FCER1A: variants seen among roughly 807,000 people sequenced by gnomAD.
FCER1A encodes Fc epsilon receptor Ia.
A neutral mutation model predicts 23.6 loss-of-function variants in FCER1A; 24 were observed. The observed-to-expected ratio is 1.02, with a 90% CI of 0.74 to 1.43. The LOEUF is 1.43. FCER1A is among the 40% of genes most tolerant of loss of function. The probability of loss-of-function intolerance (pLI) is 0.00; values close to 1 mark genes in which losing one functional copy is unlikely to be tolerated. For missense variants in FCER1A, 318 were observed against 294.5 expected (o/e 1.08, Z -0.58); for synonymous variants, 121 against 108.8 (o/e 1.11, Z -0.70).
upstream of FCER1A, among the ~76,000 whole-genome samples, chr1:159,299,766 C>CT (rs900089260): frequency 1.3e-4 from 19 of 148,436 alleles, no homozygotes; most frequent in East Asian, 5.9e-4. Context: ...ACTTGAAGGA[C>CT]TTTTTTTTTT....
At chr1:159,301,602 C>T (rs1354020027), upstream of FCER1A, among the ~76,000 whole-genome samples, 5 of 152,162 alleles carry the variant, frequency 3.3e-5, no homozygotes, top group South Asian at 4.1e-4. Flanking sequence ...TTTCCAATTT[C>T]GCTGGTCAGA....
Position 159,304,102 on chromosome 1 carries a change from A to T in FCER1A, c.251A>T (p.Lys84Ile), listed in dbSNP as rs2298804. ...TNSSLNIVNA[K>I]FEDSGEYKCQ... ...TCAAGTTTGAATATTGTGAATGCCA[A>T]ATTTGAAGACAGTGGAGAATACAAA... Residue 84 changes from lysine to isoleucine, a missense_variant, in exon 3 of 5, where the codon AAA becomes ATA. Transcript: ENST00000693622. The T allele has an allele frequency of 6.2e-7, 1 of 1,613,930 alleles. No individual in the cohort carries two copies. The highest frequency in any genetic ancestry group is 8.5e-7 in the Non-Finnish European group (1 of 1,179,928).
chr1:159,304,310 C>T (rs1178209433), intron 3 of FCER1A, 128 bp downstream of exon 3: 5 of 885,804 alleles, frequency 5.6e-6, no homozygotes, highest in African/African-American at 1.7e-5. Flanking sequence ...ATTTTTAAGA[C>T]CCCTGCATTG....
At chr1:159,298,817 A>G (rs1652358500), upstream of FCER1A, among the ~76,000 whole-genome samples, 1 of 152,240 alleles carries the variant, frequency 6.6e-6, no homozygotes, top group South Asian at 2.1e-4. Context: ...GGGAACTTAT[A>G]GAACAGAAAG....
chr1:159,298,756 T>C (rs1379603746), upstream of FCER1A, among the ~76,000 whole-genome samples: 3 of 152,194 alleles, frequency 2.0e-5, no homozygotes, highest in Non-Finnish European at 4.4e-5. Flanking sequence ...ATACCAACAG[T>C]ACCAACATTG....
chr1:159,308,128 T>C lies in FCER1A; in HGVS notation c.*196T>C, dbSNP rs549636785. ...GCTCAATTAACATTGGTTGAATAAA[T>C]GAGAGAATGAATAGATTCATTTATT... On this transcript the variant is annotated 3_prime_UTR_variant, in exon 5 of 5. Transcript: ENST00000693622. The C allele has an allele frequency of 2.2e-6, 1 of 448,080 alleles. No homozygotes were observed. The highest frequency in any genetic ancestry group is 6.9e-5 in the South Asian group (1 of 14,418). 27.8% of individuals were successfully genotyped at this position (448,080 alleles called of 1,614,324 possible). A position where few individuals can be genotyped will look rare whatever the true frequency, so the allele number is the denominator to read the frequency against.
At chr1:159,285,241 AT>A (rs1422307169), upstream of FCER1A, among the ~76,000 whole-genome samples, 1 of 152,228 alleles carries the variant, frequency 6.6e-6, no homozygotes, top group Non-Finnish European at 1.5e-5. Context: ...GTCTCTAAAC[AT>A]TACCAAATAT....
chr1:159,292,537 ACTAT>A (rs1450332844), intron 1 of FCER1A, among the ~76,000 whole-genome samples: 8 of 152,072 alleles, frequency 5.3e-5, no homozygotes, highest in Non-Finnish European at 7.4e-5. Context: ...ACTTCTCTAG[ACTAT>A]CTATCATCAT....
At chr1:159,284,579 T>C in the FCER1A span, among the ~76,000 whole-genome samples, 1 of 152,246 alleles carries the variant, frequency 6.6e-6, no homozygotes, top group Non-Finnish European at 1.5e-5. Flanking sequence ...TTGTTCATTA[T>C]AGAAAAAACA....
chr1:159,302,860 A>G lies in FCER1A; in HGVS notation c.62A>G (p.Asp21Gly). 6.2e-7 allele frequency: 1 copy of G among 1,613,970 alleles called. No individual in the cohort carries two copies. Among genetic ancestry groups the G allele is most frequent in the South Asian group, 1.1e-5 (1 of 91,068 alleles). ...LCVALLFFAP[D>G]GVLAVPQKPK... is the part of the protein sequence containing the mutation. The stretch of plus-strand genomic sequence containing the variant: ...CCTCTCTGGACTTTTGCAGCTCCAG[A>G]TGGCGTGTTAGCAGGTGAGTCCTCT... The change falls in exon 2 of 5, where the codon GAT (aspartate) becomes GGT (glycine). Residue 21 changes from aspartate to glycine, a missense_variant. Coordinates refer to ENST00000693622, the MANE Select transcript of FCER1A (RefSeq NM_001387280.1).
chr1:159,296,451 C>T (rs1308722376), intron 1 of FCER1A, among the ~76,000 whole-genome samples: 1 of 152,164 alleles, frequency 6.6e-6, no homozygotes, highest in Admixed American at 6.5e-5. Flanking sequence ...AGTGTAGCTA[C>T]AGGTGATCTG....
chr1:159,298,939 A>G (rs543972345), upstream of FCER1A, among the ~76,000 whole-genome samples: 3 of 152,284 alleles, frequency 2.0e-5, no homozygotes, highest in African/African-American at 7.2e-5. Flanking sequence ...TGTAGACTCA[A>G]TGAATAAAGA....
At chr1:159,288,759 A>C (rs922113591), upstream of FCER1A, among the ~76,000 whole-genome samples, 16 of 152,212 alleles carry the variant, frequency 1.1e-4, no homozygotes, top group African/African-American at 3.6e-4. Flanking sequence ...ATGATGGACT[A>C]TAATAATCCT....
upstream of FCER1A, among the ~76,000 whole-genome samples, chr1:159,287,695 G>A (rs948936492): frequency 6.8e-6 from 1 of 147,248 alleles, no homozygotes; most frequent in African/African-American, 2.5e-5. Flanking sequence ...TTCATATATT[G>A]TATATTATAT....
At chr1:159,293,334 A>G (rs1486495307) in intron 1 of FCER1A, among the ~76,000 whole-genome samples, 1 of 151,782 alleles carries the variant, frequency 6.6e-6, no homozygotes, top group African/African-American at 2.4e-5. Context: ...GTTTTATGCC[A>G]TTGGCCTTCT....
intron 4 of FCER1A, among the ~76,000 whole-genome samples, chr1:159,307,088 C>A (rs895755574): frequency 2.0e-5 from 3 of 152,074 alleles, no homozygotes; most frequent in Admixed American, 2.0e-4. Context: ...TGTCTCATTT[C>A]TTGAGATTCT....
chr1:159,302,767 T>C, intron 1 of FCER1A, 87 bp from the exon 2 acceptor site: 1 of 1,215,980 alleles, frequency 8.2e-7, no homozygotes, highest in East Asian at 2.3e-5. Context: ...TCCATGGATG[T>C]AGATCTTATC....
intron 1 of FCER1A, among the ~76,000 whole-genome samples, chr1:159,293,853 A>C (rs1439710991): frequency 6.6e-6 from 1 of 151,884 alleles, no homozygotes; most frequent in Non-Finnish European, 1.5e-5. Context: ...TCTACAATGA[A>C]CTCAAACAAA....
At chr1:159,287,673 T>C (rs1192434263), upstream of FCER1A, among the ~76,000 whole-genome samples, 1 of 148,396 alleles carries the variant, frequency 6.7e-6, no homozygotes, top group Admixed American at 6.8e-5. Context: ...TACACATTGT[T>C]ATATATATTA....
Sources: gnomAD v4.1 joint callset for allele counts (sites outside exome capture counted in the v4.1 genomes callset) on GRCh38, gnomAD v4.1.1 for gene constraint, MANE v1.5 for transcripts, NCBI Gene and HGNC (gene_info 2026-07-23, HGNC 2026-07-21) for gene names.